IGF2BP2: variants seen among roughly 807,000 people sequenced by gnomAD.
IGF2BP2 encodes the protein insulin-like growth factor 2 mRNA-binding protein 2.
IGF2BP2 carries 17 observed loss-of-function variants against 75.8 expected under a neutral mutation model. That is an observed-to-expected ratio of 0.22 (90% CI 0.15 to 0.34). The LOEUF (loss-of-function observed/expected upper bound fraction) is 0.34, where lower values mean the gene tolerates loss of function less well. IGF2BP2 is among the 10% of genes least tolerant of loss of function. The pLI, the probability that IGF2BP2 is intolerant of heterozygous loss-of-function variation, is 1.00. For missense variants in IGF2BP2, 516 were observed against 772.4 expected, an observed-to-expected ratio of 0.67 and a Z score of 3.93; for synonymous variants, 288 against 295.6, an observed-to-expected ratio of 0.97 and a Z score of 0.26.
At chr3:185,806,544 T>C (rs1207970157) in intron 2 of IGF2BP2, among the ~76,000 whole-genome samples, 2 of 152,202 alleles carry the variant, frequency 1.3e-5, no homozygotes, top group Admixed American at 1.3e-4. Flanking sequence ...GCTATGGGAA[T>C]ATGTAATGCA....
intron 2 of IGF2BP2, among the ~76,000 whole-genome samples, chr3:185,766,025 T>C (rs1560435472): frequency 1.3e-5 from 2 of 152,106 alleles, no homozygotes; most frequent in South Asian, 2.1e-4. Flanking sequence ...CCATCCCTTT[T>C]CCAAAACCAA....
At chr3:185,816,258 A>T (rs560406511) in intron 2 of IGF2BP2, among the ~76,000 whole-genome samples, 1 of 152,338 alleles carries the variant, frequency 6.6e-6, no homozygotes, top group East Asian at 1.9e-4. Flanking sequence ...CAACTGCCGA[A>T]AAAAGCAACA....
At chr3:185,789,362 G>A (rs186992795) in intron 2 of IGF2BP2, among the ~76,000 whole-genome samples, 2 of 152,238 alleles carry the variant, frequency 1.3e-5, no homozygotes, top group East Asian at 1.9e-4. Flanking sequence ...ACATGACCTA[G>A]GCTAGGCCAG....
chr3:185,648,645 A>G (rs1381482805), intron 14 of IGF2BP2, among the ~76,000 whole-genome samples: 1 of 151,912 alleles, frequency 6.6e-6, no homozygotes, highest in East Asian at 1.9e-4. Flanking sequence ...TCATCTCCCC[A>G]CCCAGGTCAG....
At chr3:185,770,998 A>G (rs1057300889) in intron 2 of IGF2BP2, among the ~76,000 whole-genome samples, 4 of 152,028 alleles carry the variant, frequency 2.6e-5, no homozygotes. Context: ...CAATCTTCCC[A>G]CCTTGGCTAC....
At chr3:185,773,881 T>A (rs1396954663) in intron 2 of IGF2BP2, among the ~76,000 whole-genome samples, 1 of 152,218 alleles carries the variant, frequency 6.6e-6, no homozygotes, top group Non-Finnish European at 1.5e-5. Context: ...ATTTTTAACG[T>A]GCTGAGCACA....
intron 2 of IGF2BP2, among the ~76,000 whole-genome samples, chr3:185,810,516 G>A (rs1437375149): frequency 1.3e-5 from 2 of 152,236 alleles, no homozygotes; most frequent in Non-Finnish European, 2.9e-5. Context: ...GCTCATGCCT[G>A]TAATCCCAGC....
At chr3:185,823,352 G>A in intron 1 of IGF2BP2, 139 bp from the exon 2 acceptor site, 1 of 527,502 alleles carries the variant, frequency 1.9e-6, no homozygotes, top group Non-Finnish European at 3.3e-6. Flanking sequence ...ATCGAGCTGG[G>A]CGAACTTGGT....
intron 10 of IGF2BP2, among the ~76,000 whole-genome samples, chr3:185,662,978 C>A (rs1716716636): frequency 6.6e-6 from 1 of 152,150 alleles, no homozygotes; most frequent in South Asian, 2.1e-4. Context: ...CCACACCCAG[C>A]CCCATTCCCA....
At chr3:185,822,093 C>T (rs1001030676) in intron 2 of IGF2BP2, among the ~76,000 whole-genome samples, 2 of 151,818 alleles carry the variant, frequency 1.3e-5, no homozygotes, top group Admixed American at 6.6e-5. Flanking sequence ...TAAAATAAAA[C>T]ATATCTGGAA....
In IGF2BP2 at chr3:185,692,590, A is replaced by C. The variant is rs75108905; in HGVS notation, c.404+109T>G. 6.7e-4 allele frequency: 648 copies of C among 966,368 alleles called. 2 individuals are homozygous for C. In the African/African-American group the frequency reaches 9.3e-3, roughly 14 times the overall value. The allele number at this position is 966,368 out of a possible 1,614,324, so 59.9% of individuals were successfully genotyped here. A position where few individuals can be genotyped will look rare whatever the true frequency, so the allele number is the denominator to read the frequency against. On this transcript the variant is annotated intron_variant, in intron 5 of 15. Coordinates refer to ENST00000382199, the MANE Select transcript of IGF2BP2 (RefSeq NM_006548.6). Reference sequence around the variant, plus strand: ...GGTATGTCAAAGGTGGCACATATCCAGCTCAAAGATCTGCATCTTTTTAGA... The same window carrying C: ...GGTATGTCAAAGGTGGCACATATCCCGCTCAAAGATCTGCATCTTTTTAGA...
intron 2 of IGF2BP2, among the ~76,000 whole-genome samples, chr3:185,763,475 C>CT (rs1306170148): frequency 5.3e-5 from 8 of 152,150 alleles, no homozygotes; most frequent in Non-Finnish European, 2.9e-5. Context: ...ATGTTTGTTA[C>CT]TATGGTTTGT....
intron 2 of IGF2BP2, among the ~76,000 whole-genome samples, chr3:185,707,793 A>G (rs180707977): frequency 9.8e-5 from 15 of 152,330 alleles, no homozygotes; most frequent in Admixed American, 6.5e-4. Context: ...AGGTTTGTAT[A>G]CAATTCCCTA....
chr3:185,821,067 TGCTTCATCCC>T, intron 2 of IGF2BP2: 1 of 1,535,348 alleles, frequency 6.5e-7, no homozygotes, highest in Non-Finnish European at 8.7e-7. Context: ...AACATACAGC[TGCTTCATCCC>T]TGAAGTCTGA....
At chr3:185,677,044 G>GATATATATATATATATATATATATATAT (rs1164588813) in intron 7 of IGF2BP2, among the ~76,000 whole-genome samples, 1 of 23,868 alleles carries the variant, frequency 4.2e-5, no homozygotes. Context: ...TATATATGGA[G>GATATATATATATATATATATATATATAT]ATATATATAT....
chr3:185,758,186 C>T (rs1731891638), intron 2 of IGF2BP2, among the ~76,000 whole-genome samples: 1 of 152,208 alleles, frequency 6.6e-6, no homozygotes, highest in Non-Finnish European at 1.5e-5. Context: ...AACATGGGTA[C>T]TGTCAAAGAG....
At position 185,683,411 on chromosome 3, in the gene IGF2BP2, A is replaced by AT. The variant is rs879749471; in HGVS notation, c.812+3645dup. ...AAAGTACACTTAAAAATGATCAATA[A>AT]TTTTTTTTTTTTTCTGAGATGGAGT... On this transcript the variant is annotated intron_variant, in intron 7 of 15. Transcript: ENST00000382199. Among the ~76,000 whole-genome samples the AT allele has an allele frequency of 6.8e-3, 992 of 146,656 alleles. 10 individuals are homozygous for AT. Among genetic ancestry groups the AT allele is most frequent in the African/African-American group, 0.019 (752 of 40,328 alleles).
Position 185,696,597 on chromosome 3 carries a change from T to C in IGF2BP2, c.340+15A>G. ...TATCTCTCTCCAAAACCCAAAAGGC[T>C]TCCTCACTTATTACCTTGTTCCACA... On this transcript the variant is annotated intron_variant, in intron 4 of 15. Coordinates refer to ENST00000382199, the MANE Select transcript of IGF2BP2 (RefSeq NM_006548.6). 6.2e-7 allele frequency: 1 copy of C among 1,611,918 alleles called. No homozygotes were observed. The highest frequency in any genetic ancestry group is 1.1e-5 in the South Asian group (1 of 91,024).
chr3:185,811,830 G>GTCTGTCTCTCTCTCTCTCTCTCTC (rs1739881258), intron 2 of IGF2BP2, among the ~76,000 whole-genome samples: 1 of 120,694 alleles, frequency 8.3e-6, no homozygotes, highest in Non-Finnish European at 1.8e-5. Flanking sequence ...AGAGTAGGGT[G>GTCTGTCTCTCTCTCTCTCTCTCTC]TCTCTCTCTC....
Sources: gnomAD v4.1 joint callset for allele counts (sites outside exome capture counted in the v4.1 genomes callset) on GRCh38, gnomAD v4.1.1 for gene constraint, MANE v1.5 for transcripts, NCBI Gene and HGNC (gene_info 2026-07-23, HGNC 2026-07-21) for gene names.